EP300: variants seen among roughly 807,000 people sequenced by gnomAD.
EP300 encodes EP300 lysine acetyltransferase, also known as histone acetyltransferase p300.
A neutral mutation model predicts 264.0 loss-of-function variants in EP300; 31 were observed. That is an observed-to-expected ratio of 0.12 (90% CI 0.09 to 0.16). The LOEUF (loss-of-function observed/expected upper bound fraction) is 0.16, where lower values mean the gene tolerates loss of function less well. Ranked by LOEUF, EP300 falls within the 10% of genes least tolerant of loss-of-function variation. The pLI is 1.00. For synonymous variants in EP300, 1,340 were observed against 1,045.4 expected (o/e 1.28, Z -5.44); for missense variants, 2,766 against 3,052.9 (o/e 0.91, Z 2.21).
At chr22:41,154,486 G>C (rs2059065594) in intron 16 of EP300, among the ~76,000 whole-genome samples, 1 of 146,306 alleles carries the variant, frequency 6.8e-6, no homozygotes, top group Non-Finnish European at 1.5e-5. Context: ...AGTTCAAGCA[G>C]TTCTCTTGCC....
chr22:41,101,276 T>C (rs1271024036), intron 1 of EP300, among the ~76,000 whole-genome samples: 1 of 151,968 alleles, frequency 6.6e-6, no homozygotes, highest in Non-Finnish European at 1.5e-5. Context: ...GGTTTCACCG[T>C]GTTGGCCAGG....
rs2145521724 is a variant in EP300 at position 41,178,377 on chromosome 22, G to A, written c.6666G>A (p.Gln2222=). 1 of 1,613,516 alleles carries A rather than the reference G, an allele frequency of 6.2e-7. No individual in the cohort carries two copies. Among genetic ancestry groups the A allele is most frequent in the Non-Finnish European group, 8.5e-7 (1 of 1,179,530 alleles). Residue 2222 remains glutamine, a synonymous_variant, in exon 31 of 31, where the codon CAG becomes CAA. Coordinates refer to ENST00000263253, the MANE Select transcript of EP300 (RefSeq NM_001429.4). ...QQPQGVGYPP[Q]QQQRMQHHMQ... is the part of the protein sequence containing the mutation. ...CCCAAGGAGTTGGCTACCCACCACA[G>A]CAGCAGCAGCGGATGCAGCATCACA...
intron 7 of EP300, among the ~76,000 whole-genome samples, chr22:41,136,139 C>T (rs750344802): frequency 6.6e-6 from 1 of 152,200 alleles, no homozygotes; most frequent in African/African-American, 2.4e-5. Context: ...AATTCTCCTG[C>T]CTCAGCCTCC....
chr22:41,130,113 G>A, intron 5 of EP300, 110 bp downstream of exon 5: 2 of 811,958 alleles, frequency 2.5e-6, no homozygotes, highest in Non-Finnish European at 2.0e-6. Context: ...GTACTATGTT[G>A]AATAAATGTT....
At position 41,176,974 on chromosome 22, in the gene EP300, C is replaced by T. The variant is rs1253460316; in HGVS notation, c.5263C>T (p.Leu1755=). 6.2e-7 allele frequency: 1 copy of T among 1,614,172 alleles called. No individual in the cohort carries two copies. Among genetic ancestry groups the T allele is most frequent in the Non-Finnish European group, 8.5e-7 (1 of 1,180,030 alleles). ...ACQCRNANCS[L]PSCQKMKRVV... The stretch of plus-strand genomic sequence containing the variant: ...CCAGTGTCGGAATGCCAATTGCTCA[C>T]TGCCATCCTGCCAGAAGATGAAGCG... Residue 1755 remains leucine, a synonymous_variant, in exon 31 of 31, where the codon CTG becomes TTG. Transcript: ENST00000263253.
chr22:41,175,944 C>A, intron 29 of EP300: 1 of 417,220 alleles, frequency 2.4e-6, no homozygotes, highest in Non-Finnish European at 4.5e-6. Context: ...GCTCAGCCTG[C>A]TGTACCTGCT....
At chr22:41,174,023 T>C (rs973559730) in intron 29 of EP300, among the ~76,000 whole-genome samples, 1 of 152,012 alleles carries the variant, frequency 6.6e-6, no homozygotes, top group Middle Eastern at 3.4e-3. Flanking sequence ...GGCAGGAGAA[T>C]TGCTTGAACC....
intron 25 of EP300, chr22:41,169,149 A>G: frequency 1.8e-6 from 1 of 563,606 alleles, no homozygotes. Context: ...AAATGAGCTT[A>G]AATCTGGATT....
rs2145522760 is a variant in EP300, at chr22:41,178,609, C to T, written c.6898C>T (p.Pro2300Ser). Residue 2300 changes from proline to serine, a missense_variant, in exon 31 of 31, where the codon CCT becomes TCT. Physicochemically the swap from Pro to Ser is moderately conservative, Grantham distance 74. Coordinates refer to ENST00000263253, the MANE Select transcript of EP300 (RefSeq NM_001429.4). The stretch of plus-strand genomic sequence containing the variant: ...CCCACACCTACAAGGCCAGCAGATC[C>T]CTAATTCTCTCTCCAATCAAGTGCG... Reference protein sequence around the residue: ...QSPHLQGQQIPNSLSNQVRSP... With the variant: ...QSPHLQGQQISNSLSNQVRSP... 1 of 1,614,046 alleles carries T rather than the reference C, an allele frequency of 6.2e-7. No individual in the cohort carries two copies. Among genetic ancestry groups the T allele is most frequent in the Non-Finnish European group, 8.5e-7 (1 of 1,180,006 alleles).
Position 41,177,658 on chromosome 22 carries a change from G to T in EP300, c.5947G>T (p.Gly1983Trp). 6.2e-7 allele frequency: 1 copy of T among 1,614,044 alleles called. No homozygotes were observed. Among genetic ancestry groups the T allele is most frequent in the East Asian group, 2.2e-5 (1 of 44,864 alleles). Residue 1983 changes from glycine (G) to tryptophan (W), a missense_variant, in exon 31 of 31, where the codon GGG (glycine) becomes TGG (tryptophan). By Grantham distance (184) the Gly-to-Trp change is radical. Transcript: ENST00000263253. The stretch of plus-strand genomic sequence containing the variant: ...AGGTCCCAGTGGGCATTTGGAGCCA[G>T]GGATGGGACCGACAGGGATGCAGCA... The part of the protein sequence containing the change: ...TRGPSGHLEP[G>W]MGPTGMQQQP...
intron 27 of EP300, among the ~76,000 whole-genome samples, chr22:41,171,268 C>T (rs574454090): frequency 6.3e-4 from 95 of 151,326 alleles, no homozygotes; most frequent in African/African-American, 2.2e-3. Flanking sequence ...CCACTGTGCC[C>T]GGCCTTAAAA....
chr22:41,099,084 C>T (rs1468505948), intron 1 of EP300, among the ~76,000 whole-genome samples: 1 of 151,976 alleles, frequency 6.6e-6, no homozygotes, highest in East Asian at 1.9e-4. Flanking sequence ...TTTTGATTTG[C>T]AACGAAGTCT....
At chr22:41,128,557 G>A (rs2058896836) in intron 4 of EP300, among the ~76,000 whole-genome samples, 1 of 152,064 alleles carries the variant, frequency 6.6e-6, no homozygotes, top group Non-Finnish European at 1.5e-5. Flanking sequence ...TCCCAGGCTG[G>A]AGTGTGGTGG....
chr22:41,156,449 G>A (rs560346774), intron 17 of EP300, among the ~76,000 whole-genome samples: 4 of 152,246 alleles, frequency 2.6e-5, no homozygotes, highest in Non-Finnish European at 4.4e-5. Context: ...GGCCGGGCAC[G>A]GTGGCTAACG....
rs781178097 is a variant in EP300, at chr22:41,168,439, A to T, written c.3875-10A>T. 9 of 1,614,062 alleles carry T rather than the reference A, an allele frequency of 5.6e-6. No homozygotes were observed. The highest frequency in any genetic ancestry group is 1.3e-5 in the African/African-American group (1 of 75,058). On this transcript the variant is annotated splice_polypyrimidine_tract_variant and intron_variant, in intron 23 of 30. Transcript: ENST00000263253. ...TGCACCTCAGTAACTTTTAACTTTT[A>T]CATTCCTAGGGTTGCCATCTACCAG...
In EP300 at chr22:41,150,195, T is replaced by G; in HGVS notation, c.2814T>G (p.Thr938=). The change falls in exon 14 of 31, where the codon ACT becomes ACG. Residue 938 remains threonine (T), a synonymous_variant. Transcript: ENST00000263253. ...TAPLLPPQPA[T]PLSQPAVSIE... ...CGCTGCTTCCTCCGCAGCCTGCAAC[T>G]CCAGTAAGTAGAGATTTGGATTTAG... The G allele has an allele frequency of 3.7e-6, 6 of 1,604,858 alleles. No homozygotes were observed. Among genetic ancestry groups the G allele is most frequent in the African/African-American group, 1.3e-5 (1 of 74,958 alleles).
chr22:41,122,836 A>G (rs969235414), intron 2 of EP300, among the ~76,000 whole-genome samples: 3 of 152,066 alleles, frequency 2.0e-5, no homozygotes, highest in Non-Finnish European at 2.9e-5. Flanking sequence ...GCTTGAGGCT[A>G]GGAGTTCAGT....
intron 1 of EP300, among the ~76,000 whole-genome samples, chr22:41,102,873 T>G (rs1345975937): frequency 2.6e-5 from 4 of 152,128 alleles, no homozygotes; most frequent in Non-Finnish European, 5.9e-5. Context: ...ATTTATTTAT[T>G]TTGAGACAAT....
At chr22:41,111,034 C>T (rs2058787465) in intron 1 of EP300, among the ~76,000 whole-genome samples, 1 of 150,678 alleles carries the variant, frequency 6.6e-6, no homozygotes, top group African/African-American at 2.4e-5. Context: ...GGTACAATCT[C>T]TGCTCACTGC....
Sources: allele counts gnomAD v4.1 joint callset (sites outside exome capture counted in the v4.1 genomes callset), GRCh38; gene constraint gnomAD v4.1.1; transcripts MANE v1.5; gene names NCBI Gene and HGNC (gene_info 2026-07-23, HGNC 2026-07-21).